Variants in GALNT18 observed in about 807,000 individuals in gnomAD.
The protein encoded by GALNT18 is GalNAc-transferase 18.
In GALNT18, 44 loss-of-function variants were observed where a neutral mutation model predicts 69.5. That is an observed-to-expected ratio of 0.63 (90% CI 0.50 to 0.81). The LOEUF is 0.81. GALNT18 is among the 40% of genes least tolerant of loss of function. The pLI is 0.00. For missense variants in GALNT18, 715 were observed against 810.0 expected (o/e 0.88, Z 1.42); for synonymous variants, 364 against 318.2 (o/e 1.14, Z -1.53).
intron 1 of GALNT18, among the ~76,000 whole-genome samples, chr11:11,588,666 T>C (rs1385060565): frequency 6.6e-6 from 1 of 152,182 alleles, no homozygotes; most frequent in Non-Finnish European, 1.5e-5. Context: ...AGAGGAAATG[T>C]TTAGCTCTGT....
chr11:11,404,422 G>A lies in GALNT18; in HGVS notation c.596-25158C>T, dbSNP rs1854540469. Among the ~76,000 whole-genome samples the A allele has an allele frequency of 6.6e-6, 1 of 152,170 alleles. No homozygotes were observed. Among genetic ancestry groups the A allele is most frequent in the South Asian group, 2.1e-4 (1 of 4,824 alleles). On this transcript the variant is annotated intron_variant, in intron 3 of 10. Coordinates refer to ENST00000227756, the MANE Select transcript of GALNT18 (RefSeq NM_198516.3). The surrounding 1 kb of genome is among the most constrained non-coding windows in gnomAD (Gnocchi z 4.5). ...CCCATGAAATTTAGCAAGGCAAGAG[G>A]AGCAGGAGCAGGAGCTGAAGCACTC...
intron 1 of GALNT18, among the ~76,000 whole-genome samples, chr11:11,473,436 T>C (rs1436095865): frequency 6.6e-6 from 1 of 152,078 alleles, no homozygotes; most frequent in East Asian, 1.9e-4. Context: ...AACATAAAGG[T>C]GTCTTAGTTA....
intron 1 of GALNT18, among the ~76,000 whole-genome samples, chr11:11,472,615 T>A (rs180937519): frequency 6.6e-6 from 1 of 152,224 alleles, no homozygotes; most frequent in East Asian, 1.9e-4. Flanking sequence ...CTCTTATACA[T>A]TGAGTCTAGT....
At position 11,469,902 on chromosome 11, in the gene GALNT18, T is replaced by A. The variant is rs974667573; in HGVS notation, c.236-20966A>T. On this transcript the variant is annotated intron_variant, in intron 1 of 10. Coordinates refer to ENST00000227756, the MANE Select transcript of GALNT18 (RefSeq NM_198516.3). The surrounding 1 kb of genome is among the most constrained non-coding windows in gnomAD (Gnocchi z 4.2). ...CATATTTAAGGACATAGTCATTCCA[T>A]CAGGCCCCCAGAACAGGGTCCCTAG... 1.3e-5 allele frequency among the ~76,000 whole-genome samples: 2 copies of A among 152,204 alleles called. No individual in the cohort carries two copies. The highest frequency in any genetic ancestry group is 2.9e-5 in the Non-Finnish European group (2 of 68,032).
At chr11:11,291,493 A>ATGTTAGCTGTTATTCC (rs1402402621) in intron 10 of GALNT18, among the ~76,000 whole-genome samples, 3 of 151,678 alleles carry the variant, frequency 2.0e-5, no homozygotes, top group Non-Finnish European at 4.4e-5. Flanking sequence ...TACTGTATGA[A>ATGTTAGCTGTTATTCC]TGTTAGCTGT....
At position 11,446,015 on chromosome 11, in the gene GALNT18, C is replaced by A. The variant is rs766828784; in HGVS notation, c.428+2729G>T. Among the ~76,000 whole-genome samples, 3 of 152,146 alleles carry A rather than the reference C, an allele frequency of 2.0e-5. No individual in the cohort carries two copies. In the East Asian group the frequency reaches 5.8e-4, roughly 29 times the overall value. ...GTCAAAGATCAAGGGCTCCCACATG[C>A]GCTCTCATTGTGCAGCATTGTGCAC... On this transcript the variant is annotated intron_variant, in intron 2 of 10. Transcript: ENST00000227756.
chr11:11,289,575 A>G (rs1313778709), intron 10 of GALNT18, among the ~76,000 whole-genome samples: 1 of 152,178 alleles, frequency 6.6e-6, no homozygotes, highest in African/African-American at 2.4e-5. Context: ...ATTTTACAAC[A>G]GTGTTTCCTT....
intron 1 of GALNT18, among the ~76,000 whole-genome samples, chr11:11,611,065 T>C (rs1859887789): frequency 6.6e-6 from 1 of 152,184 alleles, no homozygotes; most frequent in Non-Finnish European, 1.5e-5. Flanking sequence ...TCCACTTGGA[T>C]AATAGAAAAT....
chr11:11,390,544 T>G (rs1233513658), intron 3 of GALNT18, among the ~76,000 whole-genome samples: 1 of 152,182 alleles, frequency 6.6e-6, no homozygotes, highest in Non-Finnish European at 1.5e-5. Flanking sequence ...TCCACACTCC[T>G]GCAAATCACT....
At chr11:11,330,212 C>A (rs78658676) in intron 8 of GALNT18, among the ~76,000 whole-genome samples, 2 of 152,286 alleles carry the variant, frequency 1.3e-5, no homozygotes, top group Non-Finnish European at 2.9e-5. Context: ...ACTGGCTCGA[C>A]TCAGAGTCCC....
chr11:11,504,350 C>G (rs956846055), intron 1 of GALNT18, among the ~76,000 whole-genome samples: 1 of 152,118 alleles, frequency 6.6e-6, no homozygotes. Context: ...CTGAATAGCC[C>G]TGGGCACACT....
At chr11:11,490,847 G>A (rs764364015) in intron 1 of GALNT18, among the ~76,000 whole-genome samples, 4 of 152,162 alleles carry the variant, frequency 2.6e-5, no homozygotes, top group Admixed American at 6.5e-5. Context: ...ACTCCAACGC[G>A]GATTGTCAGA....
At chr11:11,328,399 G>C (rs565941471) in intron 8 of GALNT18, among the ~76,000 whole-genome samples, 1 of 152,308 alleles carries the variant, frequency 6.6e-6, no homozygotes, top group South Asian at 2.1e-4. Flanking sequence ...GCCACAGGGA[G>C]GCTATCTATC....
At chr11:11,292,764 CATT>C (rs976374767) in intron 10 of GALNT18, among the ~76,000 whole-genome samples, 8 of 152,026 alleles carry the variant, frequency 5.3e-5, no homozygotes, top group East Asian at 3.8e-4. Flanking sequence ...ATAATAAAAT[CATT>C]ATAATAAAAC....
Position 11,383,563 on chromosome 11 carries a change from G to A in GALNT18, c.596-4299C>T, listed in dbSNP as rs1853971615. ...CACCTCTCCCTCAAGGTTCAGATGA[G>A]CATTTCCCACATCTTCTCTAGGTTT... On this transcript the variant is annotated intron_variant, in intron 3 of 10. Transcript: ENST00000227756. This position sits in a 1 kb window ranked among gnomAD's most constrained non-coding sequence, Gnocchi z 5.2. Among the ~76,000 whole-genome samples, 1 of 152,182 alleles carries A rather than the reference G, an allele frequency of 6.6e-6. No individual in the cohort carries two copies. The highest frequency in any genetic ancestry group is 1.5e-5 in the Non-Finnish European group (1 of 68,040).
intron 1 of GALNT18, among the ~76,000 whole-genome samples, chr11:11,490,203 TC>T: frequency 6.0e-5 from 1 of 16,608 alleles, no homozygotes; most frequent in South Asian, 3.1e-3. Context: ...TCACTCATTC[TC>T]TCTCTCTCTC....
intron 6 of GALNT18, among the ~76,000 whole-genome samples, chr11:11,368,852 C>T (rs894931767): frequency 2.0e-5 from 3 of 152,218 alleles, no homozygotes; most frequent in African/African-American, 4.8e-5. Context: ...GATTTTGCTG[C>T]TGTTTCCTCT....
At position 11,614,622 on chromosome 11, in the gene GALNT18, C is replaced by G. The variant is rs1016660639; in HGVS notation, c.235+6737G>C. 1.3e-5 allele frequency among the ~76,000 whole-genome samples: 2 copies of G among 152,120 alleles called. No homozygotes were observed. Among genetic ancestry groups the G allele is most frequent in the Admixed American group, 1.3e-4 (2 of 15,268 alleles). ...TTCAAGTGAAGTGAGGTCAGAAATC[C>G]TATACGATGGTAATGAAGACGCTCC... On this transcript the variant is annotated intron_variant, in intron 1 of 10. Coordinates refer to ENST00000227756, the MANE Select transcript of GALNT18 (RefSeq NM_198516.3). This position sits in a 1 kb window ranked among gnomAD's most constrained non-coding sequence, Gnocchi z 5.6.
rs987726975 is a variant in GALNT18, at chr11:11,454,722, A to C, written c.236-5786T>G. Among the ~76,000 whole-genome samples, 1 of 151,930 alleles carries C rather than the reference A, an allele frequency of 6.6e-6. No individual in the cohort carries two copies. The highest frequency in any genetic ancestry group is 6.6e-5 in the Admixed American group (1 of 15,250). On this transcript the variant is annotated intron_variant, in intron 1 of 10. Transcript: ENST00000227756. The surrounding 1 kb of genome is among the most constrained non-coding windows in gnomAD (Gnocchi z 4.2). ...CAGAGAGCCAGAGAGTCAGGCCAGG[A>C]GTGCTCTTCCTTCCTTGAAACCCAG...
Sources: allele counts gnomAD v4.1 joint callset (sites outside exome capture counted in the v4.1 genomes callset), GRCh38; gene constraint gnomAD v4.1.1; non-coding constraint Gnocchi (gnomAD v3.1); transcripts MANE v1.5; gene names NCBI Gene and HGNC (gene_info 2026-07-23, HGNC 2026-07-21).